ASAP3: variants seen among roughly 807,000 people sequenced by gnomAD.
ASAP3 encodes the protein arf-GAP with SH3 domain, ANK repeat and PH domain-containing protein 3.
Under a neutral mutation model 118.2 loss-of-function variants are expected in ASAP3, and 85 were observed. The observed-to-expected ratio is 0.72, with a 90% CI of 0.60 to 0.86. The LOEUF (loss-of-function observed/expected upper bound fraction) is 0.86, where lower values mean the gene tolerates loss of function less well. Ranked by LOEUF, ASAP3 falls within the 40% of genes least tolerant of loss-of-function variation. The probability of loss-of-function intolerance (pLI) is 0.00; values close to 1 mark genes in which losing one functional copy is unlikely to be tolerated. For synonymous variants in ASAP3, 432 were observed against 477.4 expected, an observed-to-expected ratio of 0.90 and a Z score of 1.24; for missense variants, 1,026 against 1,175.0, an observed-to-expected ratio of 0.87 and a Z score of 1.85.
Position 23,437,400 on chromosome 1 carries a change from C to T in ASAP3, c.1151+24G>A, listed in dbSNP as rs767325141. 2.5e-6 allele frequency: 4 copies of T among 1,612,860 alleles called. No homozygotes were observed. Among genetic ancestry groups the T allele is most frequent in the East Asian group, 2.2e-5 (1 of 44,848 alleles). ...GCCGGCCCCCACCCACAAGGCTGGCCGGGCTGGCCGAGGGGGCACTCACGC... is the reference window on the plus strand; with the variant it reads ...GCCGGCCCCCACCCACAAGGCTGGCTGGGCTGGCCGAGGGGGCACTCACGC... On this transcript the variant is annotated intron_variant, in intron 13 of 24. Transcript: ENST00000336689. The surrounding 1 kb of genome is among the most constrained non-coding windows in gnomAD (Gnocchi z 6.1).
In ASAP3 at chr1:23,431,709, G is replaced by A. The variant is rs1336756048; in HGVS notation, c.2533C>T (p.Pro845Ser). The change falls in exon 23 of 25, where the codon CCC (proline) becomes TCC (serine). Residue 845 changes from proline to serine, a missense_variant. Physicochemically the swap from Pro to Ser is moderately conservative, Grantham distance 74 (BLOSUM62 -1). Transcript: ENST00000336689. The stretch of plus-strand genomic sequence containing the variant: ...GCCCTCACCAACCTGAATCTGACGG[G>A]GAGGTACATCTCCGAAGGGGTGGTC... ...SGTTPSEMYL[P>S]VRFSSESTRS... is the part of the protein sequence containing the mutation. The A allele has an allele frequency of 1.3e-6, 2 of 1,523,548 alleles. No individual in the cohort carries two copies. Among genetic ancestry groups the A allele is most frequent in the South Asian group, 1.3e-5 (1 of 75,396 alleles). The allele number at this position is 1,523,548 out of a possible 1,614,324, so 94.4% of individuals were successfully genotyped here. A position where few individuals can be genotyped will look rare whatever the true frequency, so the allele number is the denominator to read the frequency against.
intron 1 of ASAP3, among the ~76,000 whole-genome samples, chr1:23,469,282 A>G (rs1641887017): frequency 6.6e-6 from 1 of 152,116 alleles, no homozygotes; most frequent in South Asian, 2.1e-4. Context: ...CTCCAGCCTG[A>G]GCAACAGAGC....
intron 1 of ASAP3, among the ~76,000 whole-genome samples, chr1:23,477,397 AAG>A (rs1553178989): frequency 2.9e-4 from 43 of 150,180 alleles, no homozygotes; most frequent in Non-Finnish European, 4.4e-4. Flanking sequence ...AAAAAAAAAA[AAG>A]AAGATGTTCC....
chr1:23,441,755 A>G, intron 7 of ASAP3, 25 bp from the exon 8 acceptor site: 1 of 1,613,254 alleles, frequency 6.2e-7, no homozygotes, highest in Non-Finnish European at 8.5e-7. Flanking sequence ...AGGCCAAACA[A>G]GGGTCCAGAT....
intron 4 of ASAP3, among the ~76,000 whole-genome samples, chr1:23,452,465 G>A (rs1319184151): frequency 2.0e-5 from 3 of 152,158 alleles, no homozygotes; most frequent in Non-Finnish European, 4.4e-5. Context: ...CTACCTCATA[G>A]GATGGTTGTA....
chr1:23,438,673 C>T lies in ASAP3; in HGVS notation c.1102+74G>A. 3 of 1,388,070 alleles carry T rather than the reference C, an allele frequency of 2.2e-6. No homozygotes were observed. The highest frequency in any genetic ancestry group is 3.6e-5 in the Admixed American group (2 of 55,916). The allele number at this position is 1,388,070 out of a possible 1,614,324, so 86.0% of individuals were successfully genotyped here. On this transcript the variant is annotated intron_variant, in intron 12 of 24. Coordinates refer to ENST00000336689, the MANE Select transcript of ASAP3 (RefSeq NM_017707.4). The surrounding 1 kb of genome is among the most constrained non-coding windows in gnomAD (Gnocchi z 4.9). ...TGGACACAGACCCCTCACTGAAGCC[C>T]CCCGGGAGCTGACAGGTGTCTTAGA...
intron 1 of ASAP3, among the ~76,000 whole-genome samples, chr1:23,464,666 A>T (rs1641706772): frequency 2.2e-5 from 1 of 45,760 alleles, no homozygotes; most frequent in Non-Finnish European, 6.5e-5. Context: ...TCTTAAAAAA[A>T]AAAAAAAAAA....
Position 23,436,416 on chromosome 1 carries a change from G to C in ASAP3, c.1571+144C>G, listed in dbSNP as rs1417254543. ...GACCTCAAGTGATCCGCCCGCCTTG[G>C]CCTCCCAAAGTGCTGGGATTACAGG... On this transcript the variant is annotated intron_variant, in intron 16 of 24. Coordinates refer to ENST00000336689, the MANE Select transcript of ASAP3 (RefSeq NM_017707.4). The surrounding 1 kb of genome is among the most constrained non-coding windows in gnomAD (Gnocchi z 4.2). 1.2e-6 allele frequency: 1 copy of C among 863,674 alleles called. No homozygotes were observed. The highest frequency in any genetic ancestry group is 1.8e-6 in the Non-Finnish European group (1 of 562,612). The allele number at this position is 863,674 out of a possible 1,614,324, so 53.5% of individuals were successfully genotyped here. A position where few individuals can be genotyped will look rare whatever the true frequency, so the allele number is the denominator to read the frequency against.
intron 1 of ASAP3, among the ~76,000 whole-genome samples, chr1:23,459,169 T>G (rs1299973853): frequency 6.3e-5 from 1 of 15,992 alleles, no homozygotes; most frequent in Non-Finnish European, 2.2e-4. Context: ...AGACTCCATC[T>G]CAAAAAAAAA....
intron 24 of ASAP3, 61 bp downstream of exon 24, chr1:23,430,970 TTGAC>T: frequency 6.9e-7 from 1 of 1,440,642 alleles, no homozygotes; most frequent in Non-Finnish European, 9.3e-7. Context: ...ACGCCTACTC[TTGAC>T]TAACTCTGCC....
At chr1:23,474,924 T>C (rs1026731661) in intron 1 of ASAP3, among the ~76,000 whole-genome samples, 2 of 152,232 alleles carry the variant, frequency 1.3e-5, no homozygotes, top group Non-Finnish European at 2.9e-5. Context: ...GATGCAAATG[T>C]GGTTCAGGCA....
intron 3 of ASAP3, 128 bp downstream of exon 3, chr1:23,455,753 A>G: frequency 8.4e-7 from 1 of 1,194,094 alleles, no homozygotes; most frequent in Non-Finnish European, 1.2e-6. Context: ...AAGGGACCTC[A>G]GGTCTGAACT....
Position 23,438,671 on chromosome 1 carries a change from C to A in ASAP3, c.1102+76G>T. 1 of 1,349,522 alleles carries A rather than the reference C, an allele frequency of 7.4e-7. No individual in the cohort carries two copies. Among genetic ancestry groups the A allele is most frequent in the Non-Finnish European group, 1.1e-6 (1 of 951,776 alleles). 83.6% of individuals were successfully genotyped at this position (1,349,522 alleles called of 1,614,324 possible). ...ACTGGACACAGACCCCTCACTGAAG[C>A]CCCCCGGGAGCTGACAGGTGTCTTA... On this transcript the variant is annotated intron_variant, in intron 12 of 24. Transcript: ENST00000336689. The surrounding 1 kb of genome is among the most constrained non-coding windows in gnomAD (Gnocchi z 4.9).
At position 23,441,168 on chromosome 1, in the gene ASAP3, T is replaced by G; in HGVS notation, c.878A>C (p.His293Pro). The G allele has an allele frequency of 6.2e-7, 1 of 1,614,222 alleles. No homozygotes were observed. ...RKNSGCGYSI[H>P]QHQGNKQFGT... is the part of the protein sequence containing the mutation. ...AAACTGCTTGTTGCCTTGGTGCTGG[T>G]GGATGCTATAGCCACATCCTGAGTT... Residue 293 changes from histidine to proline, a missense_variant, in exon 10 of 25, where the codon CAC (histidine) becomes CCC (proline). His to Pro is a moderately conservative substitution (Grantham distance 77). Transcript: ENST00000336689.
chr1:23,478,983 C>G (rs1219756296), intron 1 of ASAP3, among the ~76,000 whole-genome samples: 2 of 152,000 alleles, frequency 1.3e-5, no homozygotes, highest in South Asian at 4.1e-4. Flanking sequence ...CTCTGAGAAG[C>G]GCCCCCTCCC....
At chr1:23,467,769 G>C (rs1042412263) in intron 1 of ASAP3, among the ~76,000 whole-genome samples, 10 of 151,786 alleles carry the variant, frequency 6.6e-5, no homozygotes, top group African/African-American at 1.9e-4. Flanking sequence ...GGTCAAGAGG[G>C]TGAAACTCCG....
At chr1:23,430,519 C>T (rs1640386067) in intron 24 of ASAP3, among the ~76,000 whole-genome samples, 1 of 152,204 alleles carries the variant, frequency 6.6e-6, no homozygotes, top group Non-Finnish European at 1.5e-5. Context: ...CTGAAAGTCC[C>T]TGTGGATTCC....
chr1:23,476,534 T>C (rs1642134665), intron 1 of ASAP3, among the ~76,000 whole-genome samples: 1 of 152,196 alleles, frequency 6.6e-6, no homozygotes, highest in African/African-American at 2.4e-5. Flanking sequence ...CAGAATGGCC[T>C]CCTTGGGTCC....
At position 23,436,751 on chromosome 1, in the gene ASAP3, C is replaced by T. The variant is rs1640673130; in HGVS notation, c.1477-97G>A. ...AAGCCCCCAGAGTCCCGCCCCTCGG[C>T]CGCCCTCCCGGTTCAGGCCCCGCCC... is the stretch of plus-strand genomic sequence containing the variant. On this transcript the variant is annotated intron_variant, in intron 15 of 24. Transcript: ENST00000336689. The surrounding 1 kb of genome is among the most constrained non-coding windows in gnomAD (Gnocchi z 4.2). 1 of 1,559,464 alleles carries T rather than the reference C, an allele frequency of 6.4e-7. No individual in the cohort carries two copies. Among genetic ancestry groups the T allele is most frequent in the East Asian group, 2.3e-5 (1 of 43,936 alleles).
Sources: gnomAD v4.1 joint callset for allele counts (sites outside exome capture counted in the v4.1 genomes callset) on GRCh38, gnomAD v4.1.1 for gene constraint, Gnocchi (gnomAD v3.1) non-coding constraint, MANE v1.5 for transcripts, NCBI Gene and HGNC (gene_info 2026-07-23, HGNC 2026-07-21) for gene names.